The following SMARCA2 variants were observed in gnomAD, a reference collection of about 807,000 sequenced individuals.
SMARCA2 encodes the protein SWI/SNF related BAF chromatin remodeling complex subunit ATPase 2, also known as SWI/SNF-related matrix-associated actin-dependent regulator of chromatin subfamily A member 2.
Under a neutral mutation model 199.8 loss-of-function variants are expected in SMARCA2, and 61 were observed. The observed-to-expected ratio is 0.31, with a 90% CI of 0.25 to 0.38. SMARCA2 has a LOEUF of 0.38. Ranked by LOEUF, SMARCA2 falls within the 10% of genes least tolerant of loss-of-function variation. The probability of loss-of-function intolerance (pLI) is 1.00; values close to 1 mark genes in which losing one functional copy is unlikely to be tolerated. For synonymous variants in SMARCA2, 935 were observed against 732.0 expected, an observed-to-expected ratio of 1.28 and a Z score of -4.48; for missense variants, 1,344 against 2,012.2, an observed-to-expected ratio of 0.67 and a Z score of 6.35.
chr9:2,191,653 C>T, intron 33 of SMARCA2: 2 of 357,010 alleles, frequency 5.6e-6, no homozygotes, highest in Non-Finnish European at 1.0e-5. Context: ...TCAAGCTTCC[C>T]TTTCCCCCTT....
chr9:2,179,630 C>G (rs1826870746), intron 29 of SMARCA2, among the ~76,000 whole-genome samples: 1 of 152,126 alleles, frequency 6.6e-6, no homozygotes, highest in Admixed American at 6.5e-5. Context: ...CTTTGTTGCA[C>G]TATCGGTCAC....
chr9:2,178,289 C>G (rs1055079884), intron 29 of SMARCA2, among the ~76,000 whole-genome samples: 2 of 152,266 alleles, frequency 1.3e-5, no homozygotes, highest in Non-Finnish European at 2.9e-5. Flanking sequence ...CCCACTTACC[C>G]CATGTCTCAT....
intron 1 of SMARCA2, among the ~76,000 whole-genome samples, chr9:2,025,491 A>G (rs1199442225): frequency 1.3e-5 from 2 of 152,202 alleles, no homozygotes; most frequent in Non-Finnish European, 2.9e-5. Context: ...GAGCAGACCT[A>G]CCACTGCCCT....
chr9:2,022,943 A>AT (rs1198237936), intron 1 of SMARCA2, among the ~76,000 whole-genome samples: 2 of 152,210 alleles, frequency 1.3e-5, no homozygotes, highest in Non-Finnish European at 2.9e-5. Flanking sequence ...GATTACCTTT[A>AT]TAACTACTAA....
intron 31 of SMARCA2, among the ~76,000 whole-genome samples, chr9:2,185,047 C>A (rs1274745648): frequency 8.5e-5 from 13 of 152,138 alleles, no homozygotes; most frequent in Non-Finnish European, 1.9e-4. Flanking sequence ...GATTAAGAGA[C>A]ATAACAAAAT....
intron 28 of SMARCA2, among the ~76,000 whole-genome samples, chr9:2,166,023 C>T (rs1036777033): frequency 2.0e-5 from 3 of 152,168 alleles, no homozygotes; most frequent in African/African-American, 4.8e-5. Flanking sequence ...AACACATCAC[C>T]GTTTCCTACA....
intron 9 of SMARCA2, among the ~76,000 whole-genome samples, chr9:2,066,298 A>G (rs1321359959): frequency 1.3e-5 from 2 of 152,248 alleles, no homozygotes; most frequent in African/African-American, 4.8e-5. Context: ...AGTAATCTAA[A>G]TAAAATGGCC....
rs1219986667 is a variant in SMARCA2, at chr9:2,047,298, C to T, written c.860C>T (p.Pro287Leu). ...KLPVPAPGGR[P>L]SPAPPAAAQP... Reference sequence around the variant, plus strand: ...CCGGTGCCCGCGCCCGGCGGCCGGCCCTCGCCCGCGCCCCCCGCAGCCGCG... The same window carrying T: ...CCGGTGCCCGCGCCCGGCGGCCGGCTCTCGCCCGCGCCCCCCGCAGCCGCG... The change falls in exon 5 of 34, where the codon CCC (proline) becomes CTC (leucine). Residue 287 changes from proline to leucine, a missense_variant. Physicochemically the swap from Pro to Leu is moderately conservative, Grantham distance 98. Around this residue, in one of 18 missense-constraint regions of SMARCA2, gnomAD observed 117 missense variants for 99.1 expected, o/e 1.18. Coordinates refer to ENST00000349721, the MANE Select transcript of SMARCA2 (RefSeq NM_003070.5). The T allele has an allele frequency of 2.0e-6, 2 of 992,222 alleles. No homozygotes were observed. Among genetic ancestry groups the T allele is most frequent in the Non-Finnish European group, 2.4e-6 (2 of 835,346 alleles). 61.5% of individuals were successfully genotyped at this position (992,222 alleles called of 1,614,324 possible).
chr9:2,142,446 TTC>T (rs972463865), intron 27 of SMARCA2, among the ~76,000 whole-genome samples: 1 of 151,988 alleles, frequency 6.6e-6, no homozygotes, highest in Non-Finnish European at 1.5e-5. Flanking sequence ...GGATTTGGTA[TTC>T]TCTCTCTCTC....
rs375225372 is a variant in SMARCA2, at chr9:2,161,189, A to G, written c.3982-497A>G. Reference sequence around the variant, plus strand: ...AAAAATCTAGATGGAATTTTGATTTATATTGTTAATCATGAATAAATTGAT... The same window carrying G: ...AAAAATCTAGATGGAATTTTGATTTGTATTGTTAATCATGAATAAATTGAT... On this transcript the variant is annotated intron_variant, in intron 27 of 33. Transcript: ENST00000349721. This position sits in a 1 kb window ranked among gnomAD's most constrained non-coding sequence, Gnocchi z 4.7. Among the ~76,000 whole-genome samples, 1 of 152,246 alleles carries G rather than the reference A, an allele frequency of 6.6e-6. No individual in the cohort carries two copies. Among genetic ancestry groups the G allele is most frequent in the African/African-American group, 2.4e-5 (1 of 41,464 alleles).
chr9:2,017,767 A>T lies in SMARCA2; in HGVS notation c.-37+2363A>T, dbSNP rs989177114. 5.3e-5 allele frequency: 8 copies of T among 152,256 alleles called. No individual in the cohort carries two copies. The highest frequency in any genetic ancestry group is 8.8e-5 in the Non-Finnish European group (6 of 68,160). The allele number at this position is 152,256 out of a possible 1,614,324, so 9.4% of individuals were successfully genotyped here. A position where few individuals can be genotyped will look rare whatever the true frequency, so the allele number is the denominator to read the frequency against. ...CGCGCCGCCACCCCAAGCTCCGCGAACCCCGCGCCCCTTTTTGTTCCGCGT... is the reference window on the plus strand; with the variant it reads ...CGCGCCGCCACCCCAAGCTCCGCGATCCCCGCGCCCCTTTTTGTTCCGCGT... On this transcript the variant is annotated intron_variant, in intron 1 of 33. Transcript: ENST00000349721. The surrounding 1 kb of genome is among the most constrained non-coding windows in gnomAD (Gnocchi z 8.8).
At chr9:2,047,560 C>T (rs759768999) in intron 5 of SMARCA2, 76 bp downstream of exon 5, 3 of 1,213,838 alleles carry the variant, frequency 2.5e-6, no homozygotes, top group Non-Finnish European at 3.1e-6. Flanking sequence ...GGTGAGGCGC[C>T]TGCCTCCTTG....
At chr9:2,184,703 T>A (rs1313984239) in intron 31 of SMARCA2, among the ~76,000 whole-genome samples, 2 of 152,064 alleles carry the variant, frequency 1.3e-5, no homozygotes, top group African/African-American at 4.8e-5. Flanking sequence ...CCCAGATGCA[T>A]CTCTTTTATT....
At chr9:2,165,674 C>T (rs1296111146) in intron 28 of SMARCA2, among the ~76,000 whole-genome samples, 2 of 152,102 alleles carry the variant, frequency 1.3e-5, no homozygotes, top group Admixed American at 6.5e-5. Context: ...AATATTTAAC[C>T]TAAGACTGTT....
intron 27 of SMARCA2, chr9:2,159,806 C>T (rs771533031): frequency 7.5e-6 from 12 of 1,606,588 alleles, no homozygotes; most frequent in Non-Finnish European, 9.3e-6. Flanking sequence ...CTTTTTTTTC[C>T]TGATCAGCTG....
intron 1 of SMARCA2, 133 bp from the exon 2 acceptor site, chr9:2,028,854 A>G (rs1390336625): frequency 2.4e-5 from 17 of 713,020 alleles, no homozygotes; most frequent in African/African-American, 5.4e-5. Flanking sequence ...TCACTCAAAC[A>G]TCTGGACTAG....
At chr9:2,178,573 T>C (rs949345967) in intron 29 of SMARCA2, among the ~76,000 whole-genome samples, 1 of 152,084 alleles carries the variant, frequency 6.6e-6, no homozygotes, top group African/African-American at 2.4e-5. Context: ...AAAAAGCAAC[T>C]TTCTGGCCGG....
chr9:2,113,372 C>T (rs563089011), intron 24 of SMARCA2, among the ~76,000 whole-genome samples: 6 of 152,138 alleles, frequency 3.9e-5, no homozygotes, highest in Admixed American at 2.0e-4. Flanking sequence ...GTTGCTATTA[C>T]GGAATGGTCG....
Position 2,161,390 on chromosome 9 carries a change from A to G in SMARCA2, c.3982-296A>G, listed in dbSNP as rs765906819. Among the ~76,000 whole-genome samples, 56 of 152,116 alleles carry G rather than the reference A, an allele frequency of 3.7e-4. No homozygotes were observed. Among genetic ancestry groups the G allele is most frequent in the Non-Finnish European group, 6.8e-4 (46 of 68,036 alleles). On this transcript the variant is annotated intron_variant, in intron 27 of 33. Coordinates refer to ENST00000349721, the MANE Select transcript of SMARCA2 (RefSeq NM_003070.5). The surrounding 1 kb of genome is among the most constrained non-coding windows in gnomAD (Gnocchi z 4.7). ...ATTTCATCTGGATTCAGTTATCATC[A>G]AACACTTGAATTTATAGATCTTTTA...
Sources: gnomAD v4.1 joint callset for allele counts (sites outside exome capture counted in the v4.1 genomes callset) on GRCh38, gnomAD v4.1.1 for gene constraint, gnomAD v4.1.1 regional missense constraint, Gnocchi (gnomAD v3.1) non-coding constraint, MANE v1.5 for transcripts, NCBI Gene and HGNC (gene_info 2026-07-23, HGNC 2026-07-21) for gene names.